The following SPATA16 variants were observed in gnomAD, a reference collection of about 807,000 sequenced individuals.
SPATA16 encodes the protein spermatogenesis-associated protein 16.
SPATA16 carries 36 observed loss-of-function variants against 63.3 expected under a neutral mutation model. That is an observed-to-expected ratio of 0.57 (90% CI 0.44 to 0.75). The LOEUF is 0.75. Among genes scored for constraint, SPATA16 ranks in the 30% least tolerant of loss-of-function variants. The pLI is 0.00. For missense variants in SPATA16, 646 were observed against 679.3 expected (o/e 0.95, Z 0.54); for synonymous variants, 203 against 216.7 (o/e 0.94, Z 0.56).
At chr3:172,911,080 CTTGCTTCTTCT>C (rs1354596591) in intron 10 of SPATA16, among the ~76,000 whole-genome samples, 2 of 152,226 alleles carry the variant, frequency 1.3e-5, no homozygotes, top group Admixed American at 6.5e-5. Flanking sequence ...AAAGAAGGGA[CTTGCTTCTTCT>C]TTGCTTCTTG....
intron 2 of SPATA16, among the ~76,000 whole-genome samples, chr3:173,060,597 G>T (rs1378431815): frequency 6.6e-6 from 1 of 152,078 alleles, no homozygotes; most frequent in Non-Finnish European, 1.5e-5. Context: ...TTGCAAAATT[G>T]TACTTAATTT....
chr3:172,969,795 G>A (rs988249829), intron 5 of SPATA16, among the ~76,000 whole-genome samples: 4 of 152,168 alleles, frequency 2.6e-5, no homozygotes, highest in Non-Finnish European at 4.4e-5. Context: ...GGGCTTGATC[G>A]TGTGGCTTGC....
intron 1 of SPATA16, among the ~76,000 whole-genome samples, chr3:173,132,756 T>G (rs181220295): frequency 6.6e-6 from 1 of 152,170 alleles, no homozygotes; most frequent in African/African-American, 2.4e-5. Context: ...AACAAAAAAT[T>G]AAAATATTTT....
chr3:172,914,491 T>G (rs750031973), intron 9 of SPATA16, among the ~76,000 whole-genome samples: 6 of 152,142 alleles, frequency 3.9e-5, no homozygotes, highest in Non-Finnish European at 7.4e-5. Context: ...AGATAATCTT[T>G]CTTTGGTTTA....
chr3:173,122,383 C>T lies in SPATA16; in HGVS notation c.-18-4634G>A, dbSNP rs191232505. Among the ~76,000 whole-genome samples, 13 of 151,966 alleles carry T rather than the reference C, an allele frequency of 8.6e-5. No homozygotes were observed. The East Asian group carries it at 2.5e-3, about 29-fold the overall frequency. The stretch of plus-strand genomic sequence containing the variant: ...TCAGTGGTTTACATGGCTATTAGTA[C>T]CACAGCTTATTTATTAAATTTTTGG... On this transcript the variant is annotated intron_variant, in intron 1 of 10. Transcript: ENST00000351008.
intron 10 of SPATA16, among the ~76,000 whole-genome samples, chr3:172,898,959 G>A (rs1345724253): frequency 6.6e-6 from 1 of 150,714 alleles, no homozygotes; most frequent in Non-Finnish European, 1.5e-5. Flanking sequence ...CTCCTTTTTT[G>A]ATCCATGAAC....
chr3:173,023,137 A>ATGTGTTTGTGTG (rs1553794209), intron 3 of SPATA16, among the ~76,000 whole-genome samples: 46 of 139,958 alleles, frequency 3.3e-4, no homozygotes, highest in African/African-American at 9.7e-4. Context: ...ATGCTTGTGT[A>ATGTGTTTGTGTG]TGTGTGTGTG....
chr3:172,955,188 T>C (rs957350269), intron 6 of SPATA16, among the ~76,000 whole-genome samples: 1 of 152,192 alleles, frequency 6.6e-6, no homozygotes, highest in Non-Finnish European at 1.5e-5. Context: ...TTAATCTTCA[T>C]GACTGCTCTG....
intron 2 of SPATA16, among the ~76,000 whole-genome samples, chr3:173,108,420 A>G (rs1737670370): frequency 6.6e-6 from 1 of 152,160 alleles, no homozygotes; most frequent in African/African-American, 2.4e-5. Context: ...ATATGGGTTA[A>G]AACCTATTGT....
At chr3:172,923,167 T>C (rs1270782214) in intron 8 of SPATA16, among the ~76,000 whole-genome samples, 1 of 152,074 alleles carries the variant, frequency 6.6e-6, no homozygotes, top group Non-Finnish European at 1.5e-5. Context: ...TAGGTTGGTG[T>C]TTTGTTATGG....
intron 3 of SPATA16, among the ~76,000 whole-genome samples, chr3:173,030,330 C>A (rs1229237357): frequency 6.6e-6 from 1 of 152,044 alleles, no homozygotes; most frequent in African/African-American, 2.4e-5. Flanking sequence ...AATCTTATAT[C>A]TGTTACAGGG....
intron 6 of SPATA16, among the ~76,000 whole-genome samples, chr3:172,927,722 C>G (rs926521151): frequency 2.0e-5 from 3 of 152,140 alleles, no homozygotes; most frequent in African/African-American, 7.2e-5. Flanking sequence ...AGGCTTACCA[C>G]TCAAAACTAT....
intron 4 of SPATA16, among the ~76,000 whole-genome samples, chr3:172,983,408 T>C (rs919512855): frequency 6.6e-6 from 1 of 151,930 alleles, no homozygotes. Context: ...CCTTCTACAA[T>C]TGGAAAATGA....
Position 173,117,386 on chromosome 3 carries a change from G to A in SPATA16, c.346C>T (p.Pro116Ser), listed in dbSNP as rs1428459847. The A allele has an allele frequency of 2.5e-6, 4 of 1,614,160 alleles. No individual in the cohort carries two copies. The highest frequency in any genetic ancestry group is 3.4e-6 in the Non-Finnish European group (4 of 1,180,012). The stretch of plus-strand genomic sequence containing the variant: ...TCCACATCCATTATGTTCTTTAAGG[G>A]GATGTGAGGCAGAGGCATGGTGATT... ...QLITMPLPHI[P>S]LKNIMDVEMK... The change falls in exon 2 of 11, where the codon CCC (proline) becomes TCC (serine). Residue 116 changes from proline (P) to serine (S), a missense_variant. Pro to Ser is a moderately conservative substitution (Grantham distance 74, BLOSUM62 -1). Coordinates refer to ENST00000351008, the MANE Select transcript of SPATA16 (RefSeq NM_031955.6).
rs561677023 is a variant in SPATA16 at position 172,973,778 on chromosome 3, C to T, written c.933+3190G>A. Among the ~76,000 whole-genome samples, 33 of 152,238 alleles carry T rather than the reference C, an allele frequency of 2.2e-4. No homozygotes were observed. In the South Asian group the frequency reaches 6.2e-3, roughly 29 times the overall value. ...GATAGGGCAGCTATTTCAAAAATAG[C>T]TTAGTCTAAGCCTGACTTGGTACTT... On this transcript the variant is annotated intron_variant, in intron 5 of 10. Transcript: ENST00000351008.
intron 2 of SPATA16, among the ~76,000 whole-genome samples, chr3:173,062,062 T>C (rs1736393398): frequency 6.7e-6 from 1 of 149,338 alleles, no homozygotes. Context: ...TTTTTTTTTT[T>C]TTTTTGCCAG....
At chr3:172,935,452 T>C (rs1732962885) in intron 6 of SPATA16, among the ~76,000 whole-genome samples, 1 of 152,188 alleles carries the variant, frequency 6.6e-6, no homozygotes, top group South Asian at 2.1e-4. Context: ...AAACATAAAA[T>C]ATTAGAAATA....
chr3:173,138,689 A>G (rs1430582750), intron 1 of SPATA16, among the ~76,000 whole-genome samples: 1 of 152,182 alleles, frequency 6.6e-6, no homozygotes, highest in African/African-American at 2.4e-5. Context: ...ACTTAAAACC[A>G]TGTCAATTTT....
At chr3:172,984,920 C>T (rs558112585) in intron 4 of SPATA16, among the ~76,000 whole-genome samples, 9 of 152,222 alleles carry the variant, frequency 5.9e-5, no homozygotes, top group South Asian at 2.1e-4. Context: ...CATTTAATTC[C>T]TAAAATCAAG....
Sources: gnomAD v4.1 joint callset for allele counts (sites outside exome capture counted in the v4.1 genomes callset) on GRCh38, gnomAD v4.1.1 for gene constraint, MANE v1.5 for transcripts, NCBI Gene and HGNC (gene_info 2026-07-23, HGNC 2026-07-21) for gene names.